SLC2A13: variants seen among roughly 807,000 people sequenced by gnomAD.
SLC2A13 encodes solute carrier family 2 member 13, also known as proton myo-inositol cotransporter.
SLC2A13 carries 32 observed loss-of-function variants against 64.4 expected under a neutral mutation model. The ratio of observed to expected loss-of-function variants is 0.50; its 90% CI spans 0.37 to 0.67. The LOEUF is 0.67. Among genes scored for constraint, SLC2A13 ranks in the 30% least tolerant of loss-of-function variants. SLC2A13 has a pLI of 0.00. For synonymous variants in SLC2A13, 338 were observed against 327.1 expected (o/e 1.03, Z -0.36); for missense variants, 743 against 829.2 (o/e 0.90, Z 1.28).
intron 3 of SLC2A13, among the ~76,000 whole-genome samples, chr12:39,967,132 G>A (rs553445635): frequency 3.5e-4 from 53 of 152,224 alleles, no homozygotes; most frequent in Non-Finnish European, 6.3e-4. Context: ...TACTTTTTCT[G>A]AATGCTAAGT....
intron 6 of SLC2A13, among the ~76,000 whole-genome samples, chr12:39,863,315 G>T (rs1202340584): frequency 6.6e-6 from 1 of 152,084 alleles, no homozygotes; most frequent in African/African-American, 2.4e-5. Flanking sequence ...TAAAGTCAAT[G>T]TCAGGAAAAC....
chr12:39,902,743 A>C (rs1278566036), intron 4 of SLC2A13, among the ~76,000 whole-genome samples: 2 of 152,132 alleles, frequency 1.3e-5, no homozygotes, highest in Non-Finnish European at 2.9e-5. Flanking sequence ...AGATTAAAAA[A>C]AGATATAATG....
intron 1 of SLC2A13, among the ~76,000 whole-genome samples, chr12:40,066,158 G>A (rs944403626): frequency 3.3e-5 from 5 of 152,118 alleles, no homozygotes; most frequent in Admixed American, 3.3e-4. Context: ...TTGAGTCCCT[G>A]GAACCTACCA....
intron 3 of SLC2A13, among the ~76,000 whole-genome samples, chr12:40,015,865 T>C (rs2136200162): frequency 6.6e-6 from 1 of 152,282 alleles, no homozygotes; most frequent in South Asian, 2.1e-4. Flanking sequence ...AATATAATAA[T>C]GATGATAATA....
intron 7 of SLC2A13, among the ~76,000 whole-genome samples, chr12:39,799,104 G>A (rs11831972): frequency 7.4e-6 from 1 of 135,452 alleles, no homozygotes; most frequent in African/African-American, 2.8e-5. Context: ...TTTAGACTCA[G>A]AGTCTCACTC....
Position 40,048,058 on chromosome 12 carries a change from C to T in SLC2A13, c.709G>A (p.Gly237Arg), listed in dbSNP as rs1393641321. 2 of 1,594,874 alleles carry T rather than the reference C, an allele frequency of 1.3e-6. No individual in the cohort carries two copies. The highest frequency in any genetic ancestry group is 8.5e-7 in the Non-Finnish European group (1 of 1,175,070). The change falls in exon 2 of 10, where the codon GGA becomes AGA. Residue 237 changes from glycine to arginine, a missense_variant. Gly to Arg is a moderately radical substitution (Grantham distance 125, BLOSUM62 -2). This residue lies in a region of SLC2A13 where 448 missense variants were observed against 447.4 expected (regional missense o/e 1.00). Coordinates refer to ENST00000280871, the MANE Select transcript of SLC2A13 (RefSeq NM_052885.4). ...TAAAAAGTATTTACAAACCTCCATC[C>T]ATCCTTCTGGAGATAACTGAAGGCT... Reference protein sequence around the residue: ...DGAFSYLQKDGWRYMLGLAAV... With the variant: ...DGAFSYLQKDRWRYMLGLAAV...
In SLC2A13 at chr12:39,778,782, A is replaced by C. The variant is rs984159400; in HGVS notation, c.1446-13924T>G. The stretch of plus-strand genomic sequence containing the variant: ...GAGATACCAAAACAAGTGGCTATCA[A>C]CTTAAATACCAATGACTGAAAAACA... On this transcript the variant is annotated intron_variant, in intron 7 of 9. Coordinates refer to ENST00000280871, the MANE Select transcript of SLC2A13 (RefSeq NM_052885.4). Among the ~76,000 whole-genome samples, 8 of 152,300 alleles carry C rather than the reference A, an allele frequency of 5.3e-5. No homozygotes were observed. In the East Asian group the frequency reaches 5.8e-4, roughly 11 times the overall value.
chr12:40,061,573 T>A (rs1477500534), intron 1 of SLC2A13, among the ~76,000 whole-genome samples: 2 of 152,084 alleles, frequency 1.3e-5, no homozygotes, highest in Non-Finnish European at 2.9e-5. Flanking sequence ...CGGCAAGTAA[T>A]CTAGAGATGA....
chr12:39,810,445 G>GTA (rs1183009026), intron 7 of SLC2A13, among the ~76,000 whole-genome samples: 2 of 152,072 alleles, frequency 1.3e-5, no homozygotes, highest in African/African-American at 4.8e-5. Context: ...TGAAAATAGA[G>GTA]TATATATTCC....
At chr12:40,028,545 T>C in intron 2 of SLC2A13, 36 bp from the exon 3 acceptor site, 1 of 1,607,016 alleles carries the variant, frequency 6.2e-7, no homozygotes, top group African/African-American at 1.3e-5. Context: ...ACTGTAAAAT[T>C]TGCTCTTACC....
chr12:40,094,786 T>A (rs2708434), intron 1 of SLC2A13, among the ~76,000 whole-genome samples: 152,187 of 152,398 alleles, frequency 1, 75,989 homozygotes, highest in Non-Finnish European at 1. Flanking sequence ...CTGCAAAAAT[T>A]ACAGCATGTG....
intron 3 of SLC2A13, among the ~76,000 whole-genome samples, chr12:39,984,560 ACAATT>A (rs1014063225): frequency 6.6e-6 from 1 of 152,216 alleles, no homozygotes; most frequent in African/African-American, 2.4e-5. Context: ...AAGCATTACT[ACAATT>A]AATTATGAAG....
chr12:39,958,786 A>G (rs141723035), intron 3 of SLC2A13, among the ~76,000 whole-genome samples: 4 of 152,126 alleles, frequency 2.6e-5, no homozygotes, highest in African/African-American at 9.6e-5. Context: ...GTCTCTTACA[A>G]TGTTCCTTCT....
chr12:39,896,229 CAT>C (rs1486695873), intron 4 of SLC2A13, among the ~76,000 whole-genome samples: 13 of 126,430 alleles, frequency 1.0e-4, no homozygotes, highest in South Asian at 2.4e-4. Context: ...TACATATATG[CAT>C]ATGTGTATAT....
intron 7 of SLC2A13, among the ~76,000 whole-genome samples, chr12:39,776,347 A>G (rs1940777494): frequency 6.6e-6 from 1 of 152,132 alleles, no homozygotes; most frequent in Non-Finnish European, 1.5e-5. Context: ...ACCAAGCACA[A>G]GTGGTAGTGC....
At chr12:40,084,648 A>T (rs1399920036) in intron 1 of SLC2A13, among the ~76,000 whole-genome samples, 4 of 151,572 alleles carry the variant, frequency 2.6e-5, no homozygotes, top group Non-Finnish European at 4.4e-5. Context: ...TTACAGCTTC[A>T]TTTTTTTTTA....
intron 5 of SLC2A13, among the ~76,000 whole-genome samples, chr12:39,867,469 C>A (rs544545774): frequency 8.6e-5 from 13 of 150,416 alleles, no homozygotes; most frequent in Middle Eastern, 3.4e-3. Context: ...AAAACAAAAA[C>A]AAAAACAAAA....
At chr12:39,871,982 C>T (rs780199921) in intron 4 of SLC2A13, 21 bp from the exon 5 acceptor site, 112 of 1,535,328 alleles carry the variant, frequency 7.3e-5, no homozygotes, top group Non-Finnish European at 9.3e-5. Flanking sequence ...ATGAATAAAA[C>T]AATTGCTATT....
chr12:39,966,128 T>TAA, intron 3 of SLC2A13, among the ~76,000 whole-genome samples: 1 of 118,806 alleles, frequency 8.4e-6, no homozygotes, highest in Admixed American at 8.3e-5. Flanking sequence ...TGTGTGTGTA[T>TAA]ATATATATAT....
Sources: allele counts gnomAD v4.1 joint callset (sites outside exome capture counted in the v4.1 genomes callset), GRCh38; gene constraint gnomAD v4.1.1; regional missense constraint gnomAD v4.1.1; transcripts MANE v1.5; gene names NCBI Gene and HGNC (gene_info 2026-07-23, HGNC 2026-07-21).